The following SEMA3A variants were observed in gnomAD, a reference collection of about 807,000 sequenced individuals.
SEMA3A encodes semaphorin-3A.
In SEMA3A, 29 loss-of-function variants were observed where a neutral mutation model predicts 97.9. The ratio of observed to expected loss-of-function variants is 0.30; its 90% confidence interval spans 0.22 to 0.40. SEMA3A has a LOEUF of 0.40. Ranked by LOEUF, SEMA3A falls within the 10% of genes least tolerant of loss-of-function variation. The pLI is 1.00. For missense variants in SEMA3A, 763 were observed against 951.3 expected (o/e 0.80, Z 2.60); for synonymous variants, 321 against 323.7 (o/e 0.99, Z 0.09).
chr7:83,981,304 T>C lies in SEMA3A; in HGVS notation c.1652+17A>G. The C allele has an allele frequency of 1.2e-6, 2 of 1,611,800 alleles. No homozygotes were observed. The highest frequency in any genetic ancestry group is 8.5e-7 in the Non-Finnish European group (1 of 1,178,606). Reference sequence around the variant, plus strand: ...ATAACTAGCAAACATTTCATTTATTTTGAATATTTTTCCTACCTCTTTGCA... The same window carrying C: ...ATAACTAGCAAACATTTCATTTATTCTGAATATTTTTCCTACCTCTTTGCA... On this transcript the variant is annotated intron_variant, in intron 14 of 16. Transcript: ENST00000265362.
intron 6 of SEMA3A, among the ~76,000 whole-genome samples, chr7:84,029,907 T>C (rs913934153): frequency 4.6e-5 from 7 of 152,050 alleles, no homozygotes; most frequent in Non-Finnish European, 1.0e-4. Flanking sequence ...AAACAGATGT[T>C]TTTAATGAGT....
chr7:84,125,115 G>T lies in SEMA3A; in HGVS notation c.333+4008C>A, dbSNP rs533988294. 1.8e-4 allele frequency among the ~76,000 whole-genome samples: 28 copies of T among 152,020 alleles called. No homozygotes were observed. The East Asian group carries it at 4.3e-3, about 23-fold the overall frequency. ...CATAATGGAGAAAATTCAAAATCTT[G>T]AATTGATTTAATGCAGAATATGAAG... On this transcript the variant is annotated intron_variant, in intron 3 of 16. Transcript: ENST00000265362.
chr7:83,957,228 A>G lies in SEMA3A; in HGVS notation c.*4143T>C, dbSNP rs1003022018. The G allele has an allele frequency of 1.3e-5, 2 of 152,104 alleles. No individual in the cohort carries two copies. The highest frequency in any genetic ancestry group is 1.9e-4 in the East Asian group (1 of 5,190). The allele number at this position is 152,104 out of a possible 1,614,324, so 9.4% of individuals were successfully genotyped here. A position where few individuals can be genotyped will look rare whatever the true frequency, so the allele number is the denominator to read the frequency against. Reference sequence around the variant, plus strand: ...GAACTAGGGATGGGAGGATTAGGAAAGACTTGCTGGATTAGATGATGATAA... The same window carrying G: ...GAACTAGGGATGGGAGGATTAGGAAGGACTTGCTGGATTAGATGATGATAA... On this transcript the variant is annotated 3_prime_UTR_variant, in exon 17 of 17. Transcript: ENST00000265362.
chr7:84,005,084 AT>A (rs1790610834), intron 11 of SEMA3A, among the ~76,000 whole-genome samples: 1 of 152,118 alleles, frequency 6.6e-6, no homozygotes, highest in Non-Finnish European at 1.5e-5. Flanking sequence ...AGCTTGTTTT[AT>A]TGTAGGAATA....
At chr7:84,197,470 C>A (rs993359140), upstream of SEMA3A, among the ~76,000 whole-genome samples, 1 of 152,036 alleles carries the variant, frequency 6.6e-6, no homozygotes, top group Non-Finnish European at 1.5e-5. Flanking sequence ...AAAGTAAATG[C>A]CTGAAAAACA....
chr7:84,455,715 G>A (rs980486319), intron 1 of SEMA3A, among the ~76,000 whole-genome samples: 4 of 151,900 alleles, frequency 2.6e-5, no homozygotes, highest in African/African-American at 7.2e-5. Flanking sequence ...AGTTTAGAAC[G>A]AAGTGATAAG....
intron 2 of SEMA3A, among the ~76,000 whole-genome samples, chr7:84,353,253 A>G (rs1308526050): frequency 6.6e-6 from 1 of 151,674 alleles, no homozygotes; most frequent in Admixed American, 6.6e-5. Flanking sequence ...TTGATTCAGG[A>G]TTGGTTGAAT....
Position 84,005,609 on chromosome 7 carries a change from A to G in SEMA3A, c.1141-51T>C, listed in dbSNP as rs756695480. 2.1e-5 allele frequency: 25 copies of G among 1,198,064 alleles called. No individual in the cohort carries two copies. In the Middle Eastern group the frequency reaches 6.6e-4, roughly 31 times the overall value. The allele number at this position is 1,198,064 out of a possible 1,614,324, so 74.2% of individuals were successfully genotyped here. On this transcript the variant is annotated intron_variant, in intron 10 of 16. Transcript: ENST00000265362. The stretch of plus-strand genomic sequence containing the variant: ...TTTTGATTAAAATCTAATAAACATA[A>G]TTATAAATTATATAATAACACATGG...
At chr7:84,346,414 C>T (rs1174952618) in intron 2 of SEMA3A, among the ~76,000 whole-genome samples, 1 of 152,154 alleles carries the variant, frequency 6.6e-6, no homozygotes, top group Non-Finnish European at 1.5e-5. Context: ...AGAGGCCTTG[C>T]TTTTGGCCTA....
At chr7:84,481,443 C>T (rs1806443114) in intron 1 of SEMA3A, among the ~76,000 whole-genome samples, 1 of 152,140 alleles carries the variant, frequency 6.6e-6, no homozygotes, top group African/African-American at 2.4e-5. Context: ...GAGCCAGCTA[C>T]AACTGATGTT....
intron 3 of SEMA3A, among the ~76,000 whole-genome samples, chr7:84,287,088 A>G (rs1469084293): frequency 6.6e-6 from 1 of 152,132 alleles, no homozygotes; most frequent in East Asian, 1.9e-4. Context: ...AAGTAAAAAT[A>G]AAGTTTGCAT....
At chr7:84,352,254 G>C (rs1056335244) in intron 2 of SEMA3A, among the ~76,000 whole-genome samples, 1 of 151,984 alleles carries the variant, frequency 6.6e-6, no homozygotes, top group African/African-American at 2.4e-5. Context: ...AGTGGGAGAA[G>C]TGGGGATGGT....
chr7:84,415,179 C>T (rs901917634), intron 1 of SEMA3A, among the ~76,000 whole-genome samples: 1 of 152,028 alleles, frequency 6.6e-6, no homozygotes, highest in African/African-American at 2.4e-5. Context: ...AAATGATTCG[C>T]ATCTGTATAA....
At chr7:83,981,704 A>G (rs553752767) in intron 13 of SEMA3A, among the ~76,000 whole-genome samples, 5 of 152,362 alleles carry the variant, frequency 3.3e-5, no homozygotes, top group African/African-American at 1.2e-4. Context: ...GTCTTTTATT[A>G]AGTGTAAAAC....
Position 84,110,505 on chromosome 7 carries a change from T to G in SEMA3A, c.418A>C (p.Ile140Leu). The change falls in exon 4 of 17, where the codon ATT (isoleucine) becomes CTT (leucine). Residue 140 changes from isoleucine (I) to leucine (L), a missense_variant. By Grantham distance (5) the Ile-to-Leu change is conservative. Coordinates refer to ENST00000265362, the MANE Select transcript of SEMA3A (RefSeq NM_006080.3). ...YACGTGAFHP[I>L]CTYIEIGHHP... Reference sequence around the variant, plus strand: ...TGTCCAATTTCAATGTAGGTGCAAATTGGATGAAAAGCCCCCGTTCCACAG... The same window carrying G: ...TGTCCAATTTCAATGTAGGTGCAAAGTGGATGAAAAGCCCCCGTTCCACAG... 1 of 1,613,906 alleles carries G rather than the reference T, an allele frequency of 6.2e-7. No individual in the cohort carries two copies. The highest frequency in any genetic ancestry group is 8.5e-7 in the Non-Finnish European group (1 of 1,179,904).
At chr7:84,138,540 C>G (rs989874770) in intron 1 of SEMA3A, among the ~76,000 whole-genome samples, 1 of 152,036 alleles carries the variant, frequency 6.6e-6, no homozygotes, top group South Asian at 2.1e-4. Flanking sequence ...AGACAACTTA[C>G]GGAAGTTTTT....
At chr7:84,047,731 T>G (rs766958917) in intron 5 of SEMA3A, among the ~76,000 whole-genome samples, 1 of 152,084 alleles carries the variant, frequency 6.6e-6, no homozygotes, top group Non-Finnish European at 1.5e-5. Context: ...GGTTAATGTT[T>G]ATTTGTTGAT....
chr7:84,385,081 AC>A (rs1803363811), intron 1 of SEMA3A, among the ~76,000 whole-genome samples: 2 of 151,392 alleles, frequency 1.3e-5, no homozygotes, highest in African/African-American at 4.9e-5. Flanking sequence ...ACACACACAC[AC>A]ACACACACAC....
intron 14 of SEMA3A, among the ~76,000 whole-genome samples, chr7:83,980,609 A>AAAAAAAAAACAAAC (rs1255442260): frequency 1.4e-5 from 1 of 69,842 alleles, no homozygotes; most frequent in Non-Finnish European, 2.8e-5. Context: ...ATCTCAAAAA[A>AAAAAAAAAACAAAC]AAAAAAAAAA....
Sources: gnomAD v4.1 joint callset for allele counts (sites outside exome capture counted in the v4.1 genomes callset) on GRCh38, gnomAD v4.1.1 for gene constraint, MANE v1.5 for transcripts, NCBI Gene and HGNC (gene_info 2026-07-23, HGNC 2026-07-21) for gene names.